Variants in PCBP3 observed in about 807,000 individuals in gnomAD.
The protein encoded by PCBP3 is poly(rC) binding protein 3, also known as poly(rC)-binding protein 3.
PCBP3 carries 25 observed loss-of-function variants against 52.7 expected under a neutral mutation model. The ratio of observed to expected loss-of-function variants is 0.47; its 90% confidence interval spans 0.35 to 0.66. The LOEUF (loss-of-function observed/expected upper bound fraction) is 0.66, where lower values mean the gene tolerates loss of function less well. Among genes scored for constraint, PCBP3 ranks in the 30% least tolerant of loss-of-function variants. The pLI is 0.01. For synonymous variants in PCBP3, 162 were observed against 183.0 expected, an observed-to-expected ratio of 0.89 and a Z score of 0.93; for missense variants, 391 against 490.3, an observed-to-expected ratio of 0.80 and a Z score of 1.91.
chr21:45,675,855 A>G (rs927284348), intron 2 of PCBP3, among the ~76,000 whole-genome samples: 12 of 152,188 alleles, frequency 7.9e-5, no homozygotes, highest in Non-Finnish European at 1.8e-4. Context: ...ACCAAACTCT[A>G]CTGACAGTCA....
intron 16 of PCBP3, among the ~76,000 whole-genome samples, chr21:45,936,141 C>T (rs2076868228): frequency 6.6e-6 from 1 of 152,220 alleles, no homozygotes; most frequent in Non-Finnish European, 1.5e-5. Flanking sequence ...CCTGTTCCTT[C>T]CTTTCATACA....
At chr21:45,897,526 T>C (rs1313683223) in intron 6 of PCBP3, among the ~76,000 whole-genome samples, 1 of 152,088 alleles carries the variant, frequency 6.6e-6, no homozygotes, top group Non-Finnish European at 1.5e-5. Flanking sequence ...GGGAGTCAGG[T>C]TGCTATGTTG....
intron 7 of PCBP3, 103 bp from the exon 8 acceptor site, chr21:45,900,488 C>T (rs1479676028): frequency 9.6e-6 from 8 of 833,570 alleles, no homozygotes; most frequent in Non-Finnish European, 2.1e-6. Flanking sequence ...GGAGGCTCTG[C>T]TGTGTGGGCG....
intron 4 of PCBP3, chr21:45,831,317 G>C (rs1428793180): frequency 6.6e-6 from 1 of 151,678 alleles, no homozygotes; most frequent in African/African-American, 2.4e-5. Context: ...GCTGAGGTGG[G>C]AGGATCGCTT....
intron 3 of PCBP3, among the ~76,000 whole-genome samples, chr21:45,751,961 G>T (rs957065027): frequency 6.6e-6 from 1 of 151,670 alleles, no homozygotes; most frequent in Admixed American, 6.6e-5. Flanking sequence ...TTTTCTATAG[G>T]GTTTTTGGTC....
At chr21:45,814,377 G>T (rs1174789360) in intron 4 of PCBP3, among the ~76,000 whole-genome samples, 1 of 150,696 alleles carries the variant, frequency 6.6e-6, no homozygotes, top group Non-Finnish European at 1.5e-5. Flanking sequence ...AGTGAGTGGT[G>T]GGTGAGTGGT....
chr21:45,862,603 T>G (rs567812658), intron 5 of PCBP3, among the ~76,000 whole-genome samples: 141 of 152,338 alleles, frequency 9.3e-4, no homozygotes, highest in African/African-American at 3.3e-3. Context: ...ACTCGTTATT[T>G]TAGCTTCTTT....
rs2093623102 is a variant in PCBP3 at position 45,837,811 on chromosome 21, C to T, written c.-125-12150C>T. Among the ~76,000 whole-genome samples, 1 of 152,208 alleles carries T rather than the reference C, an allele frequency of 6.6e-6. No individual in the cohort carries two copies. Among genetic ancestry groups the T allele is most frequent in the Non-Finnish European group, 1.5e-5 (1 of 68,038 alleles). The stretch of plus-strand genomic sequence containing the variant: ...ACTGGTGCTGAGACTGAGGATTGAG[C>T]TTAGGGGGTCAGCCTGATCCGCCAC... On this transcript the variant is annotated intron_variant, in intron 4 of 17. Coordinates refer to ENST00000681687, the MANE Select transcript of PCBP3 (RefSeq NM_001384156.1). This position sits in a 1 kb window ranked among gnomAD's most constrained non-coding sequence, Gnocchi z 4.1.
At chr21:45,862,189 G>GC (rs2094536887) in intron 5 of PCBP3, among the ~76,000 whole-genome samples, 1 of 137,714 alleles carries the variant, frequency 7.3e-6, no homozygotes, top group South Asian at 2.5e-4. Flanking sequence ...ATTGGGGCGG[G>GC]TGGGGGGACA....
intron 4 of PCBP3, among the ~76,000 whole-genome samples, chr21:45,793,903 C>A (rs780807371): frequency 6.6e-6 from 1 of 152,126 alleles, no homozygotes; most frequent in Non-Finnish European, 1.5e-5. Context: ...CCAGCCTCAT[C>A]CCTAATACCC....
chr21:45,691,114 TAAA>T (rs1391556253), intron 2 of PCBP3, among the ~76,000 whole-genome samples: 3 of 151,892 alleles, frequency 2.0e-5, no homozygotes. Context: ...TAGGAACAAT[TAAA>T]AAATCTATCA....
At chr21:45,676,382 C>G (rs1479406236) in intron 2 of PCBP3, among the ~76,000 whole-genome samples, 1 of 151,504 alleles carries the variant, frequency 6.6e-6, no homozygotes, top group Non-Finnish European at 1.5e-5. Flanking sequence ...TTTTTTTAAA[C>G]AAATTTAAGG....
intron 4 of PCBP3, among the ~76,000 whole-genome samples, chr21:45,782,261 T>C (rs377171850): frequency 6.6e-6 from 1 of 152,202 alleles, no homozygotes. Context: ...ATAAGAACTT[T>C]GAAATATCTA....
intron 5 of PCBP3, among the ~76,000 whole-genome samples, chr21:45,857,652 G>T (rs987120356): frequency 6.6e-6 from 1 of 152,118 alleles, no homozygotes; most frequent in Non-Finnish European, 1.5e-5. Flanking sequence ...ATAAAACCAG[G>T]CTGCACCCCA....
chr21:45,915,352 A>G (rs2073209578), intron 12 of PCBP3: 1 of 152,276 alleles, frequency 6.6e-6, no homozygotes, highest in African/African-American at 2.4e-5. Flanking sequence ...GTCCCTGTGC[A>G]AAACTCCATT....
intron 4 of PCBP3, among the ~76,000 whole-genome samples, chr21:45,803,981 G>A (rs2092402521): frequency 1.3e-5 from 2 of 152,186 alleles, no homozygotes; most frequent in Non-Finnish European, 2.9e-5. Context: ...GTGCCTTGGG[G>A]GCGTCCTGGC....
intron 5 of PCBP3, 93 bp from the exon 6 acceptor site, chr21:45,896,115 C>A (rs568456548): frequency 9.6e-6 from 12 of 1,244,650 alleles, no homozygotes; most frequent in Non-Finnish European, 1.2e-5. Flanking sequence ...TCCTGCCACC[C>A]GGGAGGCCGG....
At chr21:45,723,903 T>C (rs1415716130) in intron 2 of PCBP3, among the ~76,000 whole-genome samples, 2 of 152,196 alleles carry the variant, frequency 1.3e-5, no homozygotes, top group Non-Finnish European at 2.9e-5. Context: ...GGTAATTATT[T>C]ATAATAGAAA....
chr21:45,661,998 C>G (rs2080423752), intron 1 of PCBP3, among the ~76,000 whole-genome samples: 1 of 150,964 alleles, frequency 6.6e-6, no homozygotes, highest in African/African-American at 2.4e-5. Flanking sequence ...TTTTTCTTGT[C>G]GAGTTGTTTG....
Sources: allele counts gnomAD v4.1 joint callset (sites outside exome capture counted in the v4.1 genomes callset), GRCh38; gene constraint gnomAD v4.1.1; non-coding constraint Gnocchi (gnomAD v3.1); transcripts MANE v1.5; gene names NCBI Gene and HGNC (gene_info 2026-07-23, HGNC 2026-07-21).